Variants in DPH5 observed in about 807,000 individuals in gnomAD.
The protein encoded by DPH5 is diphthine methyl ester synthase.
A neutral mutation model predicts 31.6 loss-of-function variants in DPH5; 31 were observed. The observed-to-expected ratio is 0.98, with a 90% CI of 0.74 to 1.32. DPH5 has a LOEUF of 1.32. Among genes scored for constraint, DPH5 ranks in the 40% most tolerant of loss-of-function variants. The pLI is 0.00. For synonymous variants in DPH5, 120 were observed against 115.0 expected, an observed-to-expected ratio of 1.04 and a Z score of -0.28; for missense variants, 309 against 335.7, an observed-to-expected ratio of 0.92 and a Z score of 0.62.
At chr1:100,994,921 A>C (rs1658204870) in intron 6 of DPH5, among the ~76,000 whole-genome samples, 189 bp downstream of exon 6, 2 of 152,232 alleles carry the variant, frequency 1.3e-5, no homozygotes, top group Non-Finnish European at 2.9e-5. Flanking sequence ...TGTTGAATCC[A>C]CAAAATATAT....
chr1:100,999,656 T>G lies in DPH5; in HGVS notation c.490+1811A>C, dbSNP rs529683212. The stretch of plus-strand genomic sequence containing the variant: ...GAGTTCGAGACCAGTTTGGCCAATA[T>G]GGCGAAACCCCATCTTTACTAAAAA... On this transcript the variant is annotated intron_variant, in intron 5 of 7. Coordinates refer to ENST00000370109, the MANE Select transcript of DPH5 (RefSeq NM_015958.3). 2.6e-5 allele frequency among the ~76,000 whole-genome samples: 4 copies of G among 152,058 alleles called. No individual in the cohort carries two copies. In the East Asian group the frequency reaches 7.7e-4, roughly 29 times the overall value.
In DPH5 at chr1:101,025,351, C is replaced by CA. The variant is rs776094357; in HGVS notation, c.92dup (p.Glu32GlyfsTer26). ...CAGTTAGGACTGAGGTGTAGGCTTC[C>CA]AGATACACTCGACTGCAGCGTCTAA... On this transcript the variant is annotated frameshift_variant, in exon 2 of 8. Coordinates refer to ENST00000370109, the MANE Select transcript of DPH5 (RefSeq NM_015958.3). LOFTEE classifies it high-confidence loss of function. 1 of 1,614,206 alleles carries CA rather than the reference C, an allele frequency of 6.2e-7. No individual in the cohort carries two copies. Among genetic ancestry groups the CA allele is most frequent in the South Asian group, 1.1e-5 (1 of 91,090 alleles).
chr1:100,990,024 C>G lies in DPH5; in HGVS notation c.*384G>C, dbSNP rs1246751279. On this transcript the variant is annotated 3_prime_UTR_variant, in exon 8 of 8. Coordinates refer to ENST00000370109, the MANE Select transcript of DPH5 (RefSeq NM_015958.3). ...AACATGCATGCATCCAGGTATTAAT[C>G]CATTCTCACACTGCTATGAAGAAAT... 4.9e-6 allele frequency: 1 copy of G among 202,400 alleles called. No individual in the cohort carries two copies. Among genetic ancestry groups the G allele is most frequent in the African/African-American group, 2.4e-5 (1 of 42,450 alleles). 12.5% of individuals were successfully genotyped at this position (202,400 alleles called of 1,614,324 possible). A position where few individuals can be genotyped will look rare whatever the true frequency, so the allele number is the denominator to read the frequency against.
intron 7 of DPH5, 69 bp from the exon 8 acceptor site, chr1:100,990,700 A>G: frequency 2.1e-6 from 3 of 1,428,666 alleles, no homozygotes; most frequent in Non-Finnish European, 2.9e-6. Context: ...TCAAACAAAC[A>G]TTAGTACCAC....
At chr1:101,005,821 A>ATATAT in intron 4 of DPH5, among the ~76,000 whole-genome samples, 1 of 152,278 alleles carries the variant, frequency 6.6e-6, no homozygotes, top group East Asian at 1.9e-4. Flanking sequence ...AGTCATAAAC[A>ATATAT]TATATAACAT....
intron 4 of DPH5, among the ~76,000 whole-genome samples, chr1:101,002,632 T>C (rs1455997411): frequency 6.6e-6 from 1 of 152,200 alleles, no homozygotes; most frequent in Non-Finnish European, 1.5e-5. Context: ...ATAGAACTGG[T>C]AAGCACTAGA....
At chr1:101,000,949 T>C (rs561131455) in intron 5 of DPH5, among the ~76,000 whole-genome samples, 16 of 152,332 alleles carry the variant, frequency 1.1e-4, no homozygotes, top group Admixed American at 4.6e-4. Flanking sequence ...ATTCTACCAG[T>C]TCTGCCAACA....
intron 5 of DPH5, among the ~76,000 whole-genome samples, chr1:100,997,361 T>A (rs1658445226): frequency 6.6e-6 from 1 of 150,726 alleles, no homozygotes; most frequent in African/African-American, 2.4e-5. Context: ...TTCCTCTCCT[T>A]CCTATCTTTT....
At chr1:101,010,804 C>G (rs926471192) in intron 4 of DPH5, among the ~76,000 whole-genome samples, 1 of 152,194 alleles carries the variant, frequency 6.6e-6, no homozygotes, top group Non-Finnish European at 1.5e-5. Flanking sequence ...TAAAAACCTA[C>G]TCTTCCAATC....
At chr1:101,020,451 C>T (rs1486673862) in intron 3 of DPH5, among the ~76,000 whole-genome samples, 5 of 152,028 alleles carry the variant, frequency 3.3e-5, no homozygotes, top group Admixed American at 2.0e-4. Flanking sequence ...TCCAGGTACA[C>T]GATGAAATTC....
intron 4 of DPH5, among the ~76,000 whole-genome samples, chr1:101,006,981 C>G (rs1383609216): frequency 6.6e-6 from 1 of 151,880 alleles, no homozygotes; most frequent in South Asian, 2.1e-4. Context: ...GGAACTGTCT[C>G]ATTTATCTGC....
intron 7 of DPH5, among the ~76,000 whole-genome samples, chr1:100,992,330 T>C (rs1209640258): frequency 2.0e-5 from 3 of 152,130 alleles, no homozygotes; most frequent in Non-Finnish European, 2.9e-5. Context: ...ACATAATAGA[T>C]ATATTTTACA....
chr1:101,018,315 G>A (rs889832474), intron 3 of DPH5, among the ~76,000 whole-genome samples: 2 of 149,454 alleles, frequency 1.3e-5, no homozygotes, highest in Non-Finnish European at 3.0e-5. Flanking sequence ...CTTGGCTCAT[G>A]CAACCTCCGC....
chr1:101,020,574 C>CATTT (rs1660374615), intron 3 of DPH5, among the ~76,000 whole-genome samples: 1 of 151,514 alleles, frequency 6.6e-6, no homozygotes, highest in South Asian at 2.1e-4. Context: ...CTTCAAAAGC[C>CATTT]ATTTATCTAG....
Position 100,990,428 on chromosome 1 carries a change from G to T in DPH5, c.838C>A (p.Gln280Lys). 6.2e-7 allele frequency: 1 copy of T among 1,613,964 alleles called. No homozygotes were observed. Among genetic ancestry groups the T allele is most frequent in the Non-Finnish European group, 8.5e-7 (1 of 1,179,936 alleles). ...TATGTTCAAAGTCCATTGATGCTTT[G>T]AGATTCTGAGCTATTTTCTGGTATG... ...FSIPENSSES[Q>K]SINGL The change falls in exon 8 of 8, where the codon CAA (glutamine) becomes AAA (lysine). Residue 280 changes from glutamine to lysine, a missense_variant. Physicochemically the swap from Gln to Lys is moderately conservative, Grantham distance 53 (BLOSUM62 1). Coordinates refer to ENST00000370109, the MANE Select transcript of DPH5 (RefSeq NM_015958.3).
At chr1:100,991,613 C>T (rs1177176271) in intron 7 of DPH5, among the ~76,000 whole-genome samples, 1 of 151,752 alleles carries the variant, frequency 6.6e-6, no homozygotes, top group Non-Finnish European at 1.5e-5. Flanking sequence ...ATGGTGAAAC[C>T]CCATCTCCAC....
chr1:101,004,217 G>A lies in DPH5; in HGVS notation c.370-2630C>T, dbSNP rs138688103. On this transcript the variant is annotated intron_variant, in intron 4 of 7. Transcript: ENST00000370109. ...GGTGCAAACTTCTTCAGTGAATCCT[G>A]GAACATTATGCAAACAATTTCACCA... 3.9e-5 allele frequency among the ~76,000 whole-genome samples: 6 copies of A among 152,194 alleles called. No individual in the cohort carries two copies. The East Asian group carries it at 1.2e-3, about 29-fold the overall frequency.
At chr1:100,996,268 TTTA>T (rs1318266128) in intron 5 of DPH5, 14 of 152,136 alleles carry the variant, frequency 9.2e-5, no homozygotes, top group African/African-American at 3.4e-4. Context: ...TTTTAACCCG[TTTA>T]TTAATTCATT....
At chr1:101,021,858 A>G in intron 2 of DPH5, 93 bp from the exon 3 acceptor site, 1 of 1,157,724 alleles carries the variant, frequency 8.6e-7, no homozygotes. Context: ...ACACACACAC[A>G]CTCTTTGTTT....
Sources: gnomAD v4.1 joint callset for allele counts (sites outside exome capture counted in the v4.1 genomes callset) on GRCh38, gnomAD v4.1.1 for gene constraint, MANE v1.5 for transcripts, NCBI Gene and HGNC (gene_info 2026-07-23, HGNC 2026-07-21) for gene names.